DHRSX: variants seen among roughly 807,000 people sequenced by gnomAD.
DHRSX encodes dehydrogenase/reductase X-linked.
DHRSX carries 31 observed loss-of-function variants against 34.0 expected under a neutral mutation model. The observed-to-expected ratio is 0.91, with a 90% CI of 0.69 to 1.23. The LOEUF (loss-of-function observed/expected upper bound fraction) is 1.23. Ranked by LOEUF, DHRSX falls within the 50% of genes most tolerant of loss-of-function variation. The probability of loss-of-function intolerance (pLI) is 0.00; values close to 1 mark genes in which losing one functional copy is unlikely to be tolerated. For synonymous variants in DHRSX, 201 were observed against 183.8 expected (o/e 1.09, Z -0.76); for missense variants, 414 against 428.1 (o/e 0.97, Z 0.29).
intron 5 of DHRSX, among the ~76,000 whole-genome samples, chrX:2,263,838 A>C (rs1262163157): frequency 6.6e-6 from 1 of 152,126 alleles, no homozygotes; most frequent in Non-Finnish European, 1.5e-5. Context: ...TATCAGCTTA[A>C]ACAAACTAAG....
chrX:2,373,128 A>AG (rs1460859224), intron 3 of DHRSX, among the ~76,000 whole-genome samples: 1 of 152,174 alleles, frequency 6.6e-6, no homozygotes, highest in African/African-American at 2.4e-5. Context: ...TGGCTCCTGT[A>AG]GGGGAACTTC....
rs1488026124 is a variant in DHRSX, at chrX:2,219,905, GGTGA to G, written c.*1132_*1135del. On this transcript the variant is annotated 3_prime_UTR_variant, in exon 7 of 7. Coordinates refer to ENST00000334651, the MANE Select transcript of DHRSX (RefSeq NM_145177.3). ...AGGATTGAGCCTTCCTTGCCTGGCT[GGTGA>G]GTAAGAGTGAGCCTCTATACCAAGG... 3.9e-5 allele frequency: 6 copies of G among 152,172 alleles called. No individual in the cohort carries two copies. Among genetic ancestry groups the G allele is most frequent in the African/African-American group, 1.2e-4 (5 of 41,448 alleles). The allele number at this position is 152,172 out of a possible 1,614,324, so 9.4% of individuals were successfully genotyped here. A position where few individuals can be genotyped will look rare whatever the true frequency, so the allele number is the denominator to read the frequency against.
chrX:2,464,456 C>T lies in DHRSX; in HGVS notation c.109+36361G>A, dbSNP rs758288269. ...AAGAATGTGGGTAAGGGACCGCCGC[C>T]ATGTTCGCACTGAAGACGCTCCCTA... On this transcript the variant is annotated intron_variant, in intron 1 of 6. Transcript: ENST00000334651. Among the ~76,000 whole-genome samples the T allele has an allele frequency of 9.8e-4, 86 of 87,974 alleles. 1 individual carries two copies. Among genetic ancestry groups the T allele is most frequent in the Admixed American group, 2.8e-3 (27 of 9,554 alleles). The allele number at this position is 87,974 out of a possible 152,430, so 57.7% of individuals were successfully genotyped here.
chrX:2,380,273 C>T (rs1168219630), intron 3 of DHRSX, among the ~76,000 whole-genome samples: 2 of 131,144 alleles, frequency 1.5e-5, no homozygotes, highest in Non-Finnish European at 3.1e-5. Flanking sequence ...TGCACTCCAG[C>T]CTGGGCTACA....
intron 3 of DHRSX, among the ~76,000 whole-genome samples, chrX:2,343,805 T>C (rs950616423): frequency 6.6e-6 from 1 of 152,214 alleles, no homozygotes; most frequent in African/African-American, 2.4e-5. Flanking sequence ...CGTTGTTTGA[T>C]GTAGAATGTT....
At chrX:2,409,479 T>C (rs897924176) in intron 2 of DHRSX, among the ~76,000 whole-genome samples, 5 of 152,080 alleles carry the variant, frequency 3.3e-5, no homozygotes, top group East Asian at 1.9e-4. Flanking sequence ...CCTGTGTCCA[T>C]GCGTTCTCAT....
intron 3 of DHRSX, among the ~76,000 whole-genome samples, chrX:2,351,721 AC>A (rs753885868): frequency 1.4e-3 from 212 of 152,242 alleles, no homozygotes; most frequent in African/African-American, 5.0e-3. Flanking sequence ...CCTGGGTGAG[AC>A]TACCAGACTG....
At chrX:2,242,599 C>T (rs2016166439) in intron 6 of DHRSX, among the ~76,000 whole-genome samples, 1 of 151,966 alleles carries the variant, frequency 6.6e-6, no homozygotes, top group Non-Finnish European at 1.5e-5. Flanking sequence ...CAACAGCTTG[C>T]AGTAAAGAAG....
chrX:2,482,697 A>C, intron 1 of DHRSX, among the ~76,000 whole-genome samples: 1 of 152,236 alleles, frequency 6.6e-6, no homozygotes, highest in East Asian at 1.9e-4. Context: ...ACAGTTTTGG[A>C]AGCAATTTAA....
At chrX:2,456,891 G>A (rs1311465098) in intron 1 of DHRSX, among the ~76,000 whole-genome samples, 1 of 152,096 alleles carries the variant, frequency 6.6e-6, no homozygotes, top group South Asian at 2.1e-4. Context: ...AACTTTGGCT[G>A]TGATTCAGAC....
At chrX:2,347,065 A>G (rs1358113905) in intron 3 of DHRSX, among the ~76,000 whole-genome samples, 1 of 152,104 alleles carries the variant, frequency 6.6e-6, no homozygotes. Context: ...AGTATTTGAT[A>G]TAGATAAGGA....
chrX:2,489,120 G>C (rs771189505), intron 1 of DHRSX: 3 of 1,613,398 alleles, frequency 1.9e-6, no homozygotes, highest in Non-Finnish European at 2.5e-6. Flanking sequence ...GTGGATGTCC[G>C]CATGAGCTTC....
intron 3 of DHRSX, among the ~76,000 whole-genome samples, chrX:2,335,488 G>C (rs1454193827): frequency 6.6e-6 from 1 of 151,620 alleles, no homozygotes; most frequent in Admixed American, 6.6e-5. Flanking sequence ...GTATTGCTCT[G>C]GCACCAGGCT....
At chrX:2,352,648 C>A (rs1263322193) in intron 3 of DHRSX, among the ~76,000 whole-genome samples, 1 of 152,148 alleles carries the variant, frequency 6.6e-6, no homozygotes, top group Non-Finnish European at 1.5e-5. Flanking sequence ...TGGAACTTAT[C>A]AGGGTGGAAA....
At chrX:2,499,404 T>C (rs1030059613) in intron 1 of DHRSX, among the ~76,000 whole-genome samples, 3 of 152,176 alleles carry the variant, frequency 2.0e-5, no homozygotes, top group Non-Finnish European at 2.9e-5. Context: ...AAAGTATCAT[T>C]TAACCTAACA....
intron 3 of DHRSX, among the ~76,000 whole-genome samples, chrX:2,373,544 T>TC (rs1235136071): frequency 6.6e-6 from 1 of 151,938 alleles, no homozygotes; most frequent in African/African-American, 2.4e-5. Context: ...ACCCTCTACA[T>TC]CCCATGGAAA....
At chrX:2,285,243 C>A (rs113823740) in intron 4 of DHRSX, among the ~76,000 whole-genome samples, 97 of 152,260 alleles carry the variant, frequency 6.4e-4, no homozygotes, top group African/African-American at 2.3e-3. Flanking sequence ...AAGTCGCCAT[C>A]ATATAGAATC....
intron 2 of DHRSX, among the ~76,000 whole-genome samples, chrX:2,420,412 A>AAATAAT (rs998310916): frequency 7.2e-6 from 1 of 139,090 alleles, no homozygotes; most frequent in Non-Finnish European, 1.6e-5. Context: ...CCATCTCAAA[A>AAATAAT]AATAATAATA....
intron 3 of DHRSX, among the ~76,000 whole-genome samples, chrX:2,341,671 G>A (rs2042642026): frequency 8.4e-6 from 1 of 118,636 alleles, no homozygotes; most frequent in Non-Finnish European, 1.9e-5. Flanking sequence ...TTTTTGGTGG[G>A]GGTGGGGGTA....
Sources: gnomAD v4.1 joint callset for allele counts (sites outside exome capture counted in the v4.1 genomes callset) on GRCh38, gnomAD v4.1.1 for gene constraint, MANE v1.5 for transcripts, NCBI Gene and HGNC (gene_info 2026-07-23, HGNC 2026-07-21) for gene names.